Variants in TTC33 observed in about 807,000 individuals in gnomAD.
TTC33 encodes the protein tetratricopeptide repeat protein 33.
TTC33 carries 24 observed loss-of-function variants against 29.4 expected under a neutral mutation model. The ratio of observed to expected loss-of-function variants is 0.82; its 90% CI spans 0.59 to 1.15. The LOEUF (loss-of-function observed/expected upper bound fraction) is 1.15. Among genes scored for constraint, TTC33 ranks in the 50% most tolerant of loss-of-function variants. TTC33 has a pLI of 0.00. For missense variants in TTC33, 286 were observed against 310.4 expected (o/e 0.92, Z 0.59); for synonymous variants, 107 against 100.3 (o/e 1.07, Z -0.40).
intron 4 of TTC33, among the ~76,000 whole-genome samples, chr5:40,723,527 A>T (rs1041267727): frequency 3.5e-4 from 50 of 141,618 alleles, no homozygotes; most frequent in African/African-American, 1.3e-3. Flanking sequence ...AAAAAAAAAA[A>T]AGAAATATCA....
chr5:40,749,429 TC>T lies in TTC33; in HGVS notation c.-1-2411del, dbSNP rs140218425. Among the ~76,000 whole-genome samples, 1,188 of 151,726 alleles carry T rather than the reference TC, an allele frequency of 7.8e-3. 12 individuals are homozygous for T. Among genetic ancestry groups the T allele is most frequent in the African/African-American group, 0.026 (1,075 of 41,304 alleles). On this transcript the variant is annotated intron_variant, in intron 1 of 4. Coordinates refer to ENST00000337702, the MANE Select transcript of TTC33 (RefSeq NM_012382.3). ...CCACAAGGAGATTTTGATCAAATGA[TC>T]AACTAGAGAAACAGAGAAAAAAAGC... is the stretch of plus-strand genomic sequence containing the variant.
intron 3 of TTC33, 41 bp from the exon 4 acceptor site, chr5:40,728,517 C>G (rs1472481507): frequency 6.5e-7 from 1 of 1,533,932 alleles, no homozygotes; most frequent in African/African-American, 1.4e-5. Context: ...CAGTAATATT[C>G]ATAAACTAGC....
intron 4 of TTC33, among the ~76,000 whole-genome samples, chr5:40,723,158 A>ATGTGC (rs1742189394): frequency 6.6e-6 from 1 of 152,142 alleles, no homozygotes; most frequent in Non-Finnish European, 1.5e-5. Context: ...TCTCTGAAAC[A>ATGTGC]TGTGCTGTGT....
intron 4 of TTC33, among the ~76,000 whole-genome samples, chr5:40,727,772 C>T (rs1392669837): frequency 1.3e-5 from 2 of 151,890 alleles, no homozygotes; most frequent in African/African-American, 4.8e-5. Context: ...TTACCAAATG[C>T]CAATGTTTTA....
At chr5:40,746,392 T>A (rs1481734824) in intron 2 of TTC33, among the ~76,000 whole-genome samples, 5 of 152,286 alleles carry the variant, frequency 3.3e-5, no homozygotes, top group East Asian at 1.9e-4. Flanking sequence ...TATTTTTTTT[T>A]ATGTATGTGC....
intron 2 of TTC33, among the ~76,000 whole-genome samples, chr5:40,742,353 G>T (rs1742712518): frequency 1.3e-5 from 2 of 152,154 alleles, no homozygotes; most frequent in South Asian, 4.1e-4. Context: ...TATTTATTGA[G>T]TATTTACTAC....
intron 2 of TTC33, among the ~76,000 whole-genome samples, chr5:40,732,334 T>C (rs1579680323): frequency 6.6e-6 from 1 of 152,086 alleles, no homozygotes; most frequent in Non-Finnish European, 1.5e-5. Flanking sequence ...TGGCATTACT[T>C]GTTCTCACTT....
intron 4 of TTC33, among the ~76,000 whole-genome samples, chr5:40,722,434 C>T (rs553272002): frequency 2.0e-5 from 3 of 151,564 alleles, no homozygotes; most frequent in South Asian, 2.1e-4. Flanking sequence ...CGCCTCTTCC[C>T]GGCCGTCATC....
chr5:40,745,319 C>A lies in TTC33; in HGVS notation c.221+1479G>T, dbSNP rs1742769784. On this transcript the variant is annotated intron_variant, in intron 2 of 4. Transcript: ENST00000337702. ...AAAGATATGTTAGGTAAGATAATAT[C>A]CTTATTCTTAGAAAAAACATGAGGA... Among the ~76,000 whole-genome samples, 3 of 151,918 alleles carry A rather than the reference C, an allele frequency of 2.0e-5. No homozygotes were observed. The South Asian group carries it at 6.2e-4, about 32-fold the overall frequency.
At chr5:40,750,926 A>C (rs1397445792) in intron 1 of TTC33, among the ~76,000 whole-genome samples, 1 of 152,208 alleles carries the variant, frequency 6.6e-6, no homozygotes, top group African/African-American at 2.4e-5. Context: ...AATTTGAGTT[A>C]TCTTACTATT....
rs751422389 is a variant in TTC33, at chr5:40,730,339, G to A, written c.226C>T (p.Arg76Trp). 155 of 1,611,560 alleles carry A rather than the reference G, an allele frequency of 9.6e-5. No homozygotes were observed. Among genetic ancestry groups the A allele is most frequent in the Non-Finnish European group, 1.2e-4 (146 of 1,178,504 alleles). ...TCATCCCACTTCTGAATTGCCTCCC[G>A]ATATCTGTGGTTGTTAAAGTTATAT... is the stretch of plus-strand genomic sequence containing the variant. Reference protein sequence around the residue: ...GASLAENKRYREAIQKWDEAL... With the variant: ...GASLAENKRYWEAIQKWDEAL... The change falls in exon 3 of 5, where the codon CGG (arginine) becomes TGG (tryptophan). Residue 76 changes from arginine to tryptophan, a missense_variant. Coordinates refer to ENST00000337702, the MANE Select transcript of TTC33 (RefSeq NM_012382.3).
At chr5:40,724,563 G>A (rs917259090) in intron 4 of TTC33, among the ~76,000 whole-genome samples, 7 of 151,284 alleles carry the variant, frequency 4.6e-5, no homozygotes, top group Non-Finnish European at 8.8e-5. Context: ...AACCCGGGAG[G>A]TGGAGGTTGA....
Position 40,721,419 on chromosome 5 carries a change from T to C in TTC33, c.436-4921A>G, listed in dbSNP as rs552666867. On this transcript the variant is annotated intron_variant, in intron 4 of 4. Coordinates refer to ENST00000337702, the MANE Select transcript of TTC33 (RefSeq NM_012382.3). ...GCATAAAGTCAGATATATAGACCAA[T>C]GGAACAGAATAGACAGCCTACAAAT... Among the ~76,000 whole-genome samples the C allele has an allele frequency of 2.6e-5, 4 of 152,190 alleles. No individual in the cohort carries two copies. In the South Asian group the frequency reaches 6.2e-4, roughly 24 times the overall value.
At chr5:40,742,969 T>C (rs181057147) in intron 2 of TTC33, among the ~76,000 whole-genome samples, 64 of 152,304 alleles carry the variant, frequency 4.2e-4, no homozygotes, top group African/African-American at 1.5e-3. Context: ...GCCTAGTAAG[T>C]GCCACAAATT....
chr5:40,713,199 G>C lies in TTC33; in HGVS notation c.*2946C>G, dbSNP rs992656739. 6.6e-6 allele frequency among the ~76,000 whole-genome samples: 1 copy of C among 152,062 alleles called. No individual in the cohort carries two copies. Among genetic ancestry groups the C allele is most frequent in the Non-Finnish European group, 1.5e-5 (1 of 68,008 alleles). On this transcript the variant is annotated 3_prime_UTR_variant, in exon 5 of 5. Transcript: ENST00000337702. ...ACAACTCATTTAGATATTAATACAT[G>C]TATCATGAAATCATAGCTCAGAATT...
At chr5:40,717,037 T>A (rs1233575799) in intron 4 of TTC33, among the ~76,000 whole-genome samples, 1 of 152,104 alleles carries the variant, frequency 6.6e-6, no homozygotes, top group Admixed American at 6.6e-5. Context: ...AAGACCAGCC[T>A]GGCCAACACA....
At chr5:40,721,790 T>C (rs540629193) in intron 4 of TTC33, among the ~76,000 whole-genome samples, 36 of 152,024 alleles carry the variant, frequency 2.4e-4, no homozygotes, top group Non-Finnish European at 4.1e-4. Context: ...AAATCAAAAA[T>C]AGGCAAGTGA....
intron 2 of TTC33, among the ~76,000 whole-genome samples, chr5:40,742,720 G>A (rs1298506266): frequency 6.6e-6 from 1 of 152,220 alleles, no homozygotes; most frequent in Non-Finnish European, 1.5e-5. Flanking sequence ...CCAGAATAGA[G>A]CAATTATTAT....
At chr5:40,746,309 A>G (rs1490584281) in intron 2 of TTC33, among the ~76,000 whole-genome samples, 1 of 152,250 alleles carries the variant, frequency 6.6e-6, no homozygotes, top group Non-Finnish European at 1.5e-5. Flanking sequence ...TGAAGCTATT[A>G]TCAACTTCCT....
Sources: allele counts gnomAD v4.1 joint callset (sites outside exome capture counted in the v4.1 genomes callset), GRCh38; gene constraint gnomAD v4.1.1; transcripts MANE v1.5; gene names NCBI Gene and HGNC (gene_info 2026-07-23, HGNC 2026-07-21).